The following ST6GALNAC5 variants were observed in gnomAD, a reference collection of about 807,000 sequenced individuals.
ST6GALNAC5 encodes the protein alpha-N-acetylgalactosaminide alpha-2,6-sialyltransferase 5.
In ST6GALNAC5, 27 loss-of-function variants were observed where a neutral mutation model predicts 33.6. That is an observed-to-expected ratio of 0.80 (90% CI 0.59 to 1.11). The LOEUF is 1.11. ST6GALNAC5 is among the 50% of genes least tolerant of loss of function. ST6GALNAC5 has a pLI of 0.00. For synonymous variants in ST6GALNAC5, 194 were observed against 171.2 expected, an observed-to-expected ratio of 1.13 and a Z score of -1.04; for missense variants, 428 against 454.0, an observed-to-expected ratio of 0.94 and a Z score of 0.52.
chr1:77,039,486 A>G (rs1336485943), intron 2 of ST6GALNAC5, among the ~76,000 whole-genome samples: 1 of 152,022 alleles, frequency 6.6e-6, no homozygotes, highest in African/African-American at 2.4e-5. Flanking sequence ...TGGCATCTTT[A>G]GCAAGGCCTG....
intron 2 of ST6GALNAC5, among the ~76,000 whole-genome samples, chr1:76,874,598 T>C (rs779794790): frequency 1.2e-4 from 19 of 152,148 alleles, no homozygotes; most frequent in Non-Finnish European, 2.2e-4. Flanking sequence ...GGGAGAAAGA[T>C]GTAGGCTGGG....
At chr1:76,980,696 T>A (rs1329603341) in intron 2 of ST6GALNAC5, among the ~76,000 whole-genome samples, 1 of 152,110 alleles carries the variant, frequency 6.6e-6, no homozygotes, top group African/African-American at 2.4e-5. Context: ...GAACCACCTT[T>A]CCACTCCATA....
At chr1:76,918,429 C>G (rs1646996397) in intron 2 of ST6GALNAC5, among the ~76,000 whole-genome samples, 2 of 151,936 alleles carry the variant, frequency 1.3e-5, no homozygotes, top group South Asian at 4.2e-4. Context: ...ACCATCCTGG[C>G]TAACATGGTA....
At chr1:77,000,923 C>T (rs1325201227) in intron 2 of ST6GALNAC5, among the ~76,000 whole-genome samples, 4 of 151,966 alleles carry the variant, frequency 2.6e-5, no homozygotes, top group South Asian at 2.1e-4. Flanking sequence ...AGTCAGGTAG[C>T]GTGATGCCTC....
At chr1:77,040,115 G>A (rs988823134) in intron 2 of ST6GALNAC5, among the ~76,000 whole-genome samples, 8 of 152,238 alleles carry the variant, frequency 5.3e-5, no homozygotes, top group Non-Finnish European at 1.0e-4. Flanking sequence ...GAACAGGGTC[G>A]CACAATTTGT....
intron 2 of ST6GALNAC5, among the ~76,000 whole-genome samples, chr1:76,980,368 G>T (rs186465505): frequency 6.6e-6 from 1 of 152,214 alleles, no homozygotes; most frequent in East Asian, 1.9e-4. Flanking sequence ...TTGCATTGAT[G>T]ATACTGTTTC....
chr1:76,977,198 T>C (rs1194330211), intron 2 of ST6GALNAC5, among the ~76,000 whole-genome samples: 1 of 152,216 alleles, frequency 6.6e-6, no homozygotes, highest in African/African-American at 2.4e-5. Context: ...GTTGACATAA[T>C]AATTGTATAT....
At chr1:76,968,549 G>A (rs941405634) in intron 2 of ST6GALNAC5, among the ~76,000 whole-genome samples, 1 of 152,160 alleles carries the variant, frequency 6.6e-6, no homozygotes, top group Non-Finnish European at 1.5e-5. Context: ...TCCAGTCTGT[G>A]CCTTTTAATT....
Position 76,915,735 on chromosome 1 carries a change from C to T in ST6GALNAC5, c.261+46993C>T, listed in dbSNP as rs139881865. On this transcript the variant is annotated intron_variant, in intron 2 of 4. Coordinates refer to ENST00000477717, the MANE Select transcript of ST6GALNAC5 (RefSeq NM_030965.3). ...GGAGGGATAGCATTAGGAGATATACCTAATGCTAAATGACGAGTTAATGGG... is the reference window on the plus strand; with the variant it reads ...GGAGGGATAGCATTAGGAGATATACTTAATGCTAAATGACGAGTTAATGGG... Among the ~76,000 whole-genome samples, 565 of 151,602 alleles carry T rather than the reference C, an allele frequency of 3.7e-3. 5 individuals carry two copies. The highest frequency in any genetic ancestry group is 0.013 in the African/African-American group (540 of 41,296).
intron 2 of ST6GALNAC5, among the ~76,000 whole-genome samples, chr1:76,918,269 T>C (rs1438110315): frequency 6.6e-6 from 1 of 152,124 alleles, no homozygotes; most frequent in East Asian, 1.9e-4. Flanking sequence ...AATAAAATGC[T>C]TCTAATGTTT....
chr1:76,879,812 C>T (rs1653735362), intron 2 of ST6GALNAC5, among the ~76,000 whole-genome samples: 1 of 151,934 alleles, frequency 6.6e-6, no homozygotes, highest in Non-Finnish European at 1.5e-5. Context: ...ACTCAGTATC[C>T]CCAGCTTCAT....
Position 76,868,682 on chromosome 1 carries a change from C to T in ST6GALNAC5, c.201C>T (p.Arg67=). The part of the protein sequence containing the change: ...QPAAESSTQQ[R]PGVPAGPRPL... ...CGGCGGAGAGCAGCACCCAGCAGCG[C>T]CCCGGGGTCCCCGCGGGACCGCGGC... Residue 67 remains arginine (R), a synonymous_variant, in exon 2 of 5, where the codon CGC becomes CGT. Coordinates refer to ENST00000477717, the MANE Select transcript of ST6GALNAC5 (RefSeq NM_030965.3). This position sits in a 1 kb window ranked among gnomAD's most constrained non-coding sequence, Gnocchi z 4.3. The T allele has an allele frequency of 5.1e-6, 8 of 1,555,356 alleles. No individual in the cohort carries two copies. The highest frequency in any genetic ancestry group is 7.0e-6 in the Non-Finnish European group (8 of 1,149,436).
chr1:76,922,546 T>A (rs1187193149), intron 2 of ST6GALNAC5, among the ~76,000 whole-genome samples: 3 of 152,166 alleles, frequency 2.0e-5, no homozygotes, highest in African/African-American at 4.8e-5. Flanking sequence ...CCTGAAATGA[T>A]CTTGAAAAAG....
intron 2 of ST6GALNAC5, among the ~76,000 whole-genome samples, chr1:76,891,310 C>T (rs1474588058): frequency 6.6e-6 from 1 of 152,106 alleles, no homozygotes; most frequent in African/African-American, 2.4e-5. Flanking sequence ...AAAGTAGTAT[C>T]TCCTTGTAGT....
chr1:76,923,033 C>G (rs1570675959), intron 2 of ST6GALNAC5, among the ~76,000 whole-genome samples: 1 of 151,630 alleles, frequency 6.6e-6, no homozygotes, highest in Non-Finnish European at 1.5e-5. Context: ...ATTGAACATC[C>G]ATAGGCAAAA....
At chr1:76,975,252 C>T (rs1648960501) in intron 2 of ST6GALNAC5, among the ~76,000 whole-genome samples, 1 of 152,102 alleles carries the variant, frequency 6.6e-6, no homozygotes, top group African/African-American at 2.4e-5. Context: ...AGCTACTATT[C>T]ATTGATGATT....
At chr1:76,894,419 A>T (rs1654080280) in intron 2 of ST6GALNAC5, among the ~76,000 whole-genome samples, 1 of 152,080 alleles carries the variant, frequency 6.6e-6, no homozygotes, top group South Asian at 2.1e-4. Context: ...GACAGAAGTC[A>T]GCCAAGTGTA....
intron 2 of ST6GALNAC5, among the ~76,000 whole-genome samples, chr1:76,915,875 C>T (rs1003546049): frequency 3.6e-5 from 5 of 139,050 alleles, no homozygotes; most frequent in Admixed American, 7.3e-5. Context: ...TGAAAAATAA[C>T]AAAAAAAAAA....
At chr1:76,992,647 AC>A (rs1038854467) in intron 2 of ST6GALNAC5, among the ~76,000 whole-genome samples, 2 of 152,150 alleles carry the variant, frequency 1.3e-5, no homozygotes, top group African/African-American at 4.8e-5. Flanking sequence ...GGTGCATGCC[AC>A]CATGCCCAGC....
Sources: allele counts gnomAD v4.1 joint callset (sites outside exome capture counted in the v4.1 genomes callset), GRCh38; gene constraint gnomAD v4.1.1; non-coding constraint Gnocchi (gnomAD v3.1); transcripts MANE v1.5; gene names NCBI Gene and HGNC (gene_info 2026-07-23, HGNC 2026-07-21).